GPR39: variants seen among roughly 807,000 people sequenced by gnomAD.
The protein encoded by GPR39 is zinc sensing receptor.
Under a neutral mutation model 18.4 loss-of-function variants are expected in GPR39, and 23 were observed. That is an observed-to-expected ratio of 1.25 (90% CI 0.90 to 1.77). The LOEUF (loss-of-function observed/expected upper bound fraction) is 1.77, where lower values mean the gene tolerates loss of function less well. Among genes scored for constraint, GPR39 ranks in the 40% most tolerant of loss-of-function variants. The probability of loss-of-function intolerance (pLI) is 0.00; values close to 1 mark genes in which losing one functional copy is unlikely to be tolerated. For missense variants in GPR39, 647 were observed against 602.4 expected (o/e 1.07, Z -0.78); for synonymous variants, 280 against 257.9 (o/e 1.09, Z -0.82).
chr2:132,453,409 A>T (rs917478464), intron 1 of GPR39, among the ~76,000 whole-genome samples: 5 of 152,008 alleles, frequency 3.3e-5, no homozygotes, highest in East Asian at 1.9e-4. Flanking sequence ...GATTGCAAAA[A>T]TTTTTTCCCA....
intron 1 of GPR39, among the ~76,000 whole-genome samples, chr2:132,457,042 G>A (rs1270200600): frequency 6.6e-6 from 1 of 152,220 alleles, no homozygotes; most frequent in African/African-American, 2.4e-5. Flanking sequence ...CTAGGTTGGA[G>A]AAGTTCTCCT....
chr2:132,506,731 T>C (rs1679141490), intron 1 of GPR39, among the ~76,000 whole-genome samples: 2 of 152,064 alleles, frequency 1.3e-5, no homozygotes, highest in African/African-American at 2.4e-5. Flanking sequence ...CATTATCTAA[T>C]TACCTCCCAC....
intron 1 of GPR39, among the ~76,000 whole-genome samples, chr2:132,537,591 T>C (rs928706390): frequency 4.6e-5 from 7 of 151,986 alleles, no homozygotes; most frequent in Non-Finnish European, 7.4e-5. Flanking sequence ...TGTTGGCCTG[T>C]CTTGCTAGCT....
intron 1 of GPR39, among the ~76,000 whole-genome samples, chr2:132,457,276 A>G (rs946594305): frequency 6.6e-6 from 1 of 152,142 alleles, no homozygotes; most frequent in African/African-American, 2.4e-5. Context: ...GGAATCAGCT[A>G]TTGAAGCTTA....
At chr2:132,563,090 A>T (rs1573669110) in intron 1 of GPR39, among the ~76,000 whole-genome samples, 1 of 152,280 alleles carries the variant, frequency 6.6e-6, no homozygotes, top group East Asian at 1.9e-4. Context: ...GCCCATGTCC[A>T]CTCTGATTCC....
chr2:132,436,727 C>G (rs1451130302), intron 1 of GPR39, among the ~76,000 whole-genome samples: 1 of 152,094 alleles, frequency 6.6e-6, no homozygotes, highest in Non-Finnish European at 1.5e-5. Context: ...TGGTGCTTGC[C>G]GACTTGTGGG....
chr2:132,443,264 T>C (rs1680472640), intron 1 of GPR39, among the ~76,000 whole-genome samples: 2 of 152,372 alleles, frequency 1.3e-5, no homozygotes, highest in Admixed American at 6.5e-5. Flanking sequence ...TAATAACTTA[T>C]GAATTATTTA....
intron 1 of GPR39, among the ~76,000 whole-genome samples, chr2:132,537,846 T>G (rs1432017547): frequency 1.3e-5 from 2 of 151,984 alleles, no homozygotes; most frequent in African/African-American, 4.8e-5. Context: ...CGACTATTGA[T>G]TCTTGTGTAT....
intron 1 of GPR39, among the ~76,000 whole-genome samples, chr2:132,454,240 G>A (rs1239036050): frequency 6.6e-6 from 1 of 152,080 alleles, no homozygotes; most frequent in Non-Finnish European, 1.5e-5. Flanking sequence ...TCTCTTTGTA[G>A]CAATTGTGAA....
intron 1 of GPR39, among the ~76,000 whole-genome samples, chr2:132,555,812 G>A (rs1020818313): frequency 3.9e-5 from 6 of 152,198 alleles, no homozygotes; most frequent in African/African-American, 1.4e-4. Flanking sequence ...ATTTGTTGAT[G>A]ACATGATTGT....
chr2:132,642,595 A>C (rs569573798), intron 1 of GPR39, among the ~76,000 whole-genome samples: 3 of 152,224 alleles, frequency 2.0e-5, no homozygotes, highest in Non-Finnish European at 2.9e-5. Context: ...GAGCAAAGAC[A>C]GGGCAGAAGA....
chr2:132,552,383 T>C (rs763605969), intron 1 of GPR39, among the ~76,000 whole-genome samples: 23 of 152,104 alleles, frequency 1.5e-4, no homozygotes, highest in Admixed American at 3.9e-4. Context: ...ACTCTCTTGC[T>C]CTCACTCTGC....
At chr2:132,614,536 G>C (rs1239714444) in intron 1 of GPR39, among the ~76,000 whole-genome samples, 1 of 151,758 alleles carries the variant, frequency 6.6e-6, no homozygotes, top group African/African-American at 2.4e-5. Flanking sequence ...ACCGCACCCA[G>C]CCAGCCAAGG....
At chr2:132,435,246 C>T (rs1191199162) in intron 1 of GPR39, among the ~76,000 whole-genome samples, 1 of 152,092 alleles carries the variant, frequency 6.6e-6, no homozygotes, top group African/African-American at 2.4e-5. Context: ...CCGCACACCT[C>T]CTTCACCCCT....
At chr2:132,539,978 G>A (rs1396325370) in intron 1 of GPR39, among the ~76,000 whole-genome samples, 1 of 152,080 alleles carries the variant, frequency 6.6e-6, no homozygotes, top group Admixed American at 6.6e-5. Flanking sequence ...GGCACAAGAG[G>A]CCAAAATAAT....
At chr2:132,538,160 G>A (rs1370252106) in intron 1 of GPR39, among the ~76,000 whole-genome samples, 1 of 152,158 alleles carries the variant, frequency 6.6e-6, no homozygotes, top group Non-Finnish European at 1.5e-5. Flanking sequence ...TTTTTGCCCT[G>A]ATTTTTCCTC....
In GPR39 at chr2:132,534,175, G is replaced by A. The variant is rs1206470478; in HGVS notation, c.857-110926G>A. Among the ~76,000 whole-genome samples the A allele has an allele frequency of 4.1e-4, 63 of 152,192 alleles. 1 individual carries two copies. Among genetic ancestry groups the A allele is most frequent in the East Asian group, 3.9e-3 (20 of 5,188 alleles). On this transcript the variant is annotated intron_variant, in intron 1 of 1. Transcript: ENST00000329321. ...AAAACAACCCCATCAAAAAGTGGGC[G>A]AAGGATATGAACAGACACTTCTCAA... is the stretch of plus-strand genomic sequence containing the variant.
At chr2:132,575,814 G>A (rs1472574411) in intron 1 of GPR39, among the ~76,000 whole-genome samples, 1 of 152,140 alleles carries the variant, frequency 6.6e-6, no homozygotes, top group East Asian at 1.9e-4. Context: ...TTGATATGAT[G>A]TAATCCTGAC....
chr2:132,620,222 G>C (rs1681416358), intron 1 of GPR39, among the ~76,000 whole-genome samples: 1 of 152,172 alleles, frequency 6.6e-6, no homozygotes, highest in Non-Finnish European at 1.5e-5. Context: ...TACCCAGGCA[G>C]TTCCCTCCGG....
Sources: gnomAD v4.1 joint callset for allele counts (sites outside exome capture counted in the v4.1 genomes callset) on GRCh38, gnomAD v4.1.1 for gene constraint, MANE v1.5 for transcripts, NCBI Gene and HGNC (gene_info 2026-07-23, HGNC 2026-07-21) for gene names.